The following EXOC6 variants were observed in gnomAD, a reference collection of about 807,000 sequenced individuals.
EXOC6 encodes the protein SEC15-like 1.
EXOC6 carries 60 observed loss-of-function variants against 112.5 expected under a neutral mutation model. The ratio of observed to expected loss-of-function variants is 0.53; its 90% CI spans 0.43 to 0.66. The LOEUF (loss-of-function observed/expected upper bound fraction) is 0.66. Ranked by LOEUF, EXOC6 falls within the 30% of genes least tolerant of loss-of-function variation. The pLI, the probability that EXOC6 is intolerant of heterozygous loss-of-function variation, is 0.00. For missense variants in EXOC6, 855 were observed against 957.1 expected (o/e 0.89, Z 1.41); for synonymous variants, 295 against 308.0 (o/e 0.96, Z 0.44).
chr10:93,044,965 T>C (rs9420610), intron 20 of EXOC6, among the ~76,000 whole-genome samples: 19,649 of 152,046 alleles, frequency 0.13, 1,412 homozygotes, highest in African/African-American at 0.18. Flanking sequence ...CTCCACCTCC[T>C]GGGTTCAAGC....
At chr10:92,872,786 A>G (rs987777977) in intron 1 of EXOC6, among the ~76,000 whole-genome samples, 23 of 152,132 alleles carry the variant, frequency 1.5e-4, no homozygotes, top group Non-Finnish European at 3.4e-4. Context: ...GTAAAGCTCA[A>G]TTAATTTTAT....
At chr10:92,846,431 C>T (rs943107142), upstream of EXOC6, among the ~76,000 whole-genome samples, 1 of 152,202 alleles carries the variant, frequency 6.6e-6, no homozygotes, top group African/African-American at 2.4e-5. Flanking sequence ...TCAAGCAATC[C>T]TCCTGCCTCA....
intron 18 of EXOC6, among the ~76,000 whole-genome samples, chr10:92,990,317 A>G (rs1462272469): frequency 6.6e-6 from 1 of 152,212 alleles, no homozygotes; most frequent in Non-Finnish European, 1.5e-5. Flanking sequence ...ATTTAATTTC[A>G]TAAATTATAA....
intron 18 of EXOC6, among the ~76,000 whole-genome samples, chr10:92,985,293 T>A (rs2134135866): frequency 6.6e-6 from 1 of 152,196 alleles, no homozygotes; most frequent in South Asian, 2.1e-4. Flanking sequence ...TTATCCTCAT[T>A]CATACCTGCA....
chr10:93,043,918 TA>T (rs1447788445), intron 20 of EXOC6, among the ~76,000 whole-genome samples: 2 of 152,230 alleles, frequency 1.3e-5, no homozygotes, highest in African/African-American at 4.8e-5. Flanking sequence ...AGCTGCATCT[TA>T]AAGTTCATCT....
At chr10:93,021,676 C>A (rs931927710) in intron 20 of EXOC6, among the ~76,000 whole-genome samples, 3 of 152,186 alleles carry the variant, frequency 2.0e-5, no homozygotes, top group African/African-American at 7.2e-5. Context: ...ATTGTATATT[C>A]ATTTCCCAGT....
intron 13 of EXOC6, among the ~76,000 whole-genome samples, chr10:92,942,073 A>G (rs1852699231): frequency 6.6e-6 from 1 of 152,180 alleles, no homozygotes; most frequent in Admixed American, 6.5e-5. Flanking sequence ...AAAACTATGG[A>G]GATTGACCTT....
chr10:92,891,649 T>G (rs1849507351), intron 1 of EXOC6, among the ~76,000 whole-genome samples: 1 of 152,116 alleles, frequency 6.6e-6, no homozygotes, highest in Admixed American at 6.6e-5. Context: ...ACCCAGCTAA[T>G]TTTTGTATTT....
At chr10:92,957,425 T>C (rs186088873) in intron 17 of EXOC6, among the ~76,000 whole-genome samples, 1 of 152,310 alleles carries the variant, frequency 6.6e-6, no homozygotes, top group African/African-American at 2.4e-5. Flanking sequence ...TTAGGGGATC[T>C]TGGAACTGCT....
chr10:92,979,280 C>T (rs1842740773), intron 18 of EXOC6, among the ~76,000 whole-genome samples: 1 of 152,206 alleles, frequency 6.6e-6, no homozygotes, highest in African/African-American at 2.4e-5. Context: ...CTCCCTCAGC[C>T]TCCCGAGTAG....
chr10:92,952,220 A>T (rs1409054778), intron 14 of EXOC6, 53 bp from the exon 15 acceptor site: 11 of 1,100,034 alleles, frequency 1.0e-5, no homozygotes, highest in Non-Finnish European at 1.1e-5. Flanking sequence ...TTTAGTGATT[A>T]GCATGTCTTT....
intron 21 of EXOC6, 27 bp downstream of exon 21, chr10:93,057,063 A>T: frequency 8.1e-7 from 1 of 1,239,362 alleles, no homozygotes. Flanking sequence ...ACTTTTTTGT[A>T]TAACATTTTA....
At chr10:92,921,380 G>T (rs1046304723) in intron 8 of EXOC6, among the ~76,000 whole-genome samples, 1 of 151,564 alleles carries the variant, frequency 6.6e-6, no homozygotes, top group African/African-American at 2.4e-5. Flanking sequence ...AAGTAGCTGG[G>T]TTTACAGGCA....
Position 93,058,213 on chromosome 10 carries a change from A to G in EXOC6, c.2283-10A>G. 6.3e-7 allele frequency: 1 copy of G among 1,596,030 alleles called. No individual in the cohort carries two copies. Among genetic ancestry groups the G allele is most frequent in the African/African-American group, 1.4e-5 (1 of 73,922 alleles). ...TTTTACCAAGCTTCTTCATTCACAT[A>G]TGTTTCTAGGATGAAGGATACTAGC... On this transcript the variant is annotated splice_polypyrimidine_tract_variant and intron_variant, in intron 21 of 21. Coordinates refer to ENST00000260762, the MANE Select transcript of EXOC6 (RefSeq NM_019053.6).
intron 20 of EXOC6, among the ~76,000 whole-genome samples, chr10:93,034,252 G>A (rs1845406390): frequency 6.6e-6 from 1 of 152,150 alleles, no homozygotes; most frequent in Non-Finnish European, 1.5e-5. Context: ...ACTTCAACAG[G>A]GCAGTGGCAT....
At chr10:92,914,101 G>C (rs1485151791) in intron 6 of EXOC6, among the ~76,000 whole-genome samples, 1 of 152,232 alleles carries the variant, frequency 6.6e-6, no homozygotes, top group African/African-American at 2.4e-5. Flanking sequence ...CCACACAGCA[G>C]GAGGTGAGTG....
chr10:92,922,104 C>T (rs1254240110), intron 8 of EXOC6, among the ~76,000 whole-genome samples: 1 of 151,896 alleles, frequency 6.6e-6, no homozygotes, highest in Non-Finnish European at 1.5e-5. Flanking sequence ...TGCCACCACG[C>T]CTGACTAATT....
At chr10:92,846,761 C>T (rs1257622675), upstream of EXOC6, among the ~76,000 whole-genome samples, 2 of 152,160 alleles carry the variant, frequency 1.3e-5, no homozygotes, top group Non-Finnish European at 2.9e-5. Context: ...ACATTCTAAT[C>T]CCTGGAACCT....
chr10:92,879,907 T>G (rs533613039), intron 1 of EXOC6, among the ~76,000 whole-genome samples: 12 of 152,236 alleles, frequency 7.9e-5, no homozygotes, highest in Non-Finnish European at 1.5e-4. Context: ...TTGTGCTGTT[T>G]ATGATTCTGT....
Sources: gnomAD v4.1 joint callset for allele counts (sites outside exome capture counted in the v4.1 genomes callset) on GRCh38, gnomAD v4.1.1 for gene constraint, MANE v1.5 for transcripts, NCBI Gene and HGNC (gene_info 2026-07-23, HGNC 2026-07-21) for gene names.